CTTNBP2: variants seen among roughly 807,000 people sequenced by gnomAD.
CTTNBP2 encodes cortactin-binding protein 2.
A neutral mutation model predicts 156.9 loss-of-function variants in CTTNBP2; 108 were observed. The ratio of observed to expected loss-of-function variants is 0.69; its 90% CI spans 0.59 to 0.81. The LOEUF (loss-of-function observed/expected upper bound fraction) is 0.81, where lower values mean the gene tolerates loss of function less well. CTTNBP2 is among the 30% of genes least tolerant of loss of function. The pLI, the probability that CTTNBP2 is intolerant of heterozygous loss-of-function variation, is 0.00. For missense variants in CTTNBP2, 1,924 were observed against 2,035.4 expected (o/e 0.95, Z 1.05); for synonymous variants, 767 against 751.8 (o/e 1.02, Z -0.33).
intron 3 of CTTNBP2, among the ~76,000 whole-genome samples, chr7:117,802,217 C>T (rs1222977962): frequency 1.3e-5 from 2 of 151,682 alleles, no homozygotes; most frequent in African/African-American, 2.4e-5. Flanking sequence ...AGGAAAATTA[C>T]AATTATATAA....
chr7:117,810,636 T>C, intron 3 of CTTNBP2, 129 bp downstream of exon 3: 1 of 732,188 alleles, frequency 1.4e-6, no homozygotes, highest in South Asian at 1.7e-5. Context: ...TCTGTCAGCC[T>C]CTTGCACTTC....
At chr7:117,717,173 G>GCT (rs1794446806) in intron 22 of CTTNBP2, among the ~76,000 whole-genome samples, 1 of 152,180 alleles carries the variant, frequency 6.6e-6, no homozygotes, top group African/African-American at 2.4e-5. Context: ...ACTGATAATG[G>GCT]TGCAGTGCTG....
chr7:117,807,834 G>T (rs1041451577), intron 3 of CTTNBP2, among the ~76,000 whole-genome samples: 2 of 152,176 alleles, frequency 1.3e-5, no homozygotes, highest in African/African-American at 4.8e-5. Context: ...TTGTGATGCT[G>T]GCTGGGAAGA....
At chr7:117,717,941 C>G (rs1237356901) in intron 22 of CTTNBP2, 77 bp downstream of exon 22, 1 of 898,676 alleles carries the variant, frequency 1.1e-6, no homozygotes, top group African/African-American at 1.6e-5. Flanking sequence ...CTCTGTGATT[C>G]ACACTGAAAG....
chr7:117,732,530 G>C (rs993687840), intron 16 of CTTNBP2, among the ~76,000 whole-genome samples: 5 of 151,382 alleles, frequency 3.3e-5, no homozygotes, highest in Admixed American at 1.3e-4. Flanking sequence ...GGCGCCTGTA[G>C]TTCCAGCTAC....
chr7:117,717,320 GA>G (rs772184371), intron 22 of CTTNBP2, among the ~76,000 whole-genome samples: 1 of 150,518 alleles, frequency 6.6e-6, no homozygotes, highest in East Asian at 1.9e-4. Context: ...ATAAAATTGA[GA>G]TTTTTTTTTT....
In CTTNBP2 at chr7:117,777,076, G is replaced by A. The variant is rs78597436; in HGVS notation, c.2778+435C>T. On this transcript the variant is annotated intron_variant, in intron 8 of 22. Coordinates refer to ENST00000160373, the MANE Select transcript of CTTNBP2 (RefSeq NM_033427.3). ...CATCTAGAGCTCCCTCTTAGATATC[G>A]GTAAGAAAGCACAGTTAGGGATAAG... Among the ~76,000 whole-genome samples the A allele has an allele frequency of 7.5e-3, 1,135 of 152,154 alleles. 17 individuals are homozygous for A. The highest frequency in any genetic ancestry group is 0.026 in the African/African-American group (1,078 of 41,498).
intron 4 of CTTNBP2, among the ~76,000 whole-genome samples, chr7:117,787,718 A>G (rs1396434404): frequency 1.3e-5 from 2 of 152,168 alleles, no homozygotes; most frequent in African/African-American, 4.8e-5. Context: ...TAAAAAATTT[A>G]ACATTTGGCT....
chr7:117,742,758 T>G (rs928559047), intron 14 of CTTNBP2, among the ~76,000 whole-genome samples: 1 of 152,218 alleles, frequency 6.6e-6, no homozygotes, highest in African/African-American at 2.4e-5. Context: ...GTTCTCATAT[T>G]GCTTTTAAAA....
intron 8 of CTTNBP2, among the ~76,000 whole-genome samples, chr7:117,772,410 G>A (rs916017989): frequency 6.6e-6 from 1 of 152,168 alleles, no homozygotes; most frequent in Non-Finnish European, 1.5e-5. Context: ...TGATGCTGTT[G>A]GAGTAAGAGA....
chr7:117,779,950 G>A (rs994856530), intron 7 of CTTNBP2, among the ~76,000 whole-genome samples: 2 of 151,988 alleles, frequency 1.3e-5, no homozygotes, highest in Non-Finnish European at 2.9e-5. Context: ...AGTAGAGACG[G>A]GGTTTCTCCA....
chr7:117,821,358 CTTTTTGT>C (rs763244582), intron 2 of CTTNBP2, among the ~76,000 whole-genome samples: 95 of 151,178 alleles, frequency 6.3e-4, no homozygotes, highest in Non-Finnish European at 9.6e-4. Flanking sequence ...TTTCAGTTTT[CTTTTTGT>C]TTTTTGTTTT....
chr7:117,799,982 G>A (rs949881145), intron 3 of CTTNBP2, among the ~76,000 whole-genome samples: 1 of 152,040 alleles, frequency 6.6e-6, no homozygotes. Flanking sequence ...GAAGCCAAAT[G>A]TTGCTAAGAG....
In CTTNBP2 at chr7:117,780,549, A is replaced by G; in HGVS notation, c.2415T>C (p.His805=). ...GAGGTGTCTGTCCTCCATCAGCAGC[A>G]TGATTAATGTTAGCATCATATGAAA... The part of the protein sequence containing the change: ...LLISYDANIN[H]AADGGQTPLY... The change falls in exon 7 of 23, where the codon CAT becomes CAC. Residue 805 remains histidine, a synonymous_variant. Transcript: ENST00000160373. The G allele has an allele frequency of 1.9e-6, 3 of 1,594,934 alleles. No homozygotes were observed. Among genetic ancestry groups the G allele is most frequent in the Non-Finnish European group, 2.6e-6 (3 of 1,169,122 alleles).
intron 8 of CTTNBP2, among the ~76,000 whole-genome samples, chr7:117,775,011 T>C (rs1798016669): frequency 6.6e-6 from 1 of 152,140 alleles, no homozygotes; most frequent in African/African-American, 2.4e-5. Context: ...GATACAAATA[T>C]ATTTTCCAAT....
chr7:117,720,126 ATG>A (rs904562847), intron 20 of CTTNBP2, among the ~76,000 whole-genome samples: 4 of 152,166 alleles, frequency 2.6e-5, no homozygotes, highest in Non-Finnish European at 5.9e-5. Context: ...GTTGCAGGTC[ATG>A]GATCTAGCTG....
At chr7:117,805,885 C>T (rs1420611658) in intron 3 of CTTNBP2, among the ~76,000 whole-genome samples, 2 of 152,044 alleles carry the variant, frequency 1.3e-5, no homozygotes, top group Admixed American at 6.6e-5. Flanking sequence ...GTACAAGGAA[C>T]CACACTAGAA....
intron 12 of CTTNBP2, among the ~76,000 whole-genome samples, chr7:117,754,590 T>C (rs11975899): frequency 0.14 from 21,144 of 152,268 alleles, 1,904 homozygotes; most frequent in Non-Finnish European, 0.19. Context: ...TATAATTGTT[T>C]ATGGAAGAGA....
At chr7:117,736,597 C>A (rs1473525813) in intron 14 of CTTNBP2, among the ~76,000 whole-genome samples, 2 of 152,146 alleles carry the variant, frequency 1.3e-5, no homozygotes, top group South Asian at 2.1e-4. Flanking sequence ...CCATTCGTTT[C>A]ACTCAGGATG....
Sources: allele counts gnomAD v4.1 joint callset (sites outside exome capture counted in the v4.1 genomes callset), GRCh38; gene constraint gnomAD v4.1.1; transcripts MANE v1.5; gene names NCBI Gene and HGNC (gene_info 2026-07-23, HGNC 2026-07-21).